The following CDH13 variants were observed in gnomAD, a reference collection of about 807,000 sequenced individuals.
The protein encoded by CDH13 is cadherin-13.
In CDH13, 24 loss-of-function variants were observed where a neutral mutation model predicts 63.8. The observed-to-expected ratio is 0.38, with a 90% CI of 0.27 to 0.53. CDH13 has a LOEUF of 0.53. Ranked by LOEUF, CDH13 falls within the 20% of genes least tolerant of loss-of-function variation. The pLI, the probability that CDH13 is intolerant of heterozygous loss-of-function variation, is 0.85. For missense variants in CDH13, 1,049 were observed against 903.1 expected (o/e 1.16, Z -2.07); for synonymous variants, 503 against 355.3 (o/e 1.42, Z -4.67).
chr16:82,866,234 T>C (rs906835120), intron 2 of CDH13, among the ~76,000 whole-genome samples: 2 of 152,142 alleles, frequency 1.3e-5, no homozygotes, highest in Non-Finnish European at 2.9e-5. Flanking sequence ...CCTGTCTTCC[T>C]CTGAGCCCTC....
intron 1 of CDH13, among the ~76,000 whole-genome samples, chr16:82,813,815 A>G (rs2037567688): frequency 6.6e-6 from 1 of 152,200 alleles, no homozygotes; most frequent in South Asian, 2.1e-4. Flanking sequence ...GAAAAGATAG[A>G]TTTTGAAGTT....
intron 11 of CDH13, among the ~76,000 whole-genome samples, chr16:83,777,350 G>C (rs1453864119): frequency 1.3e-5 from 2 of 152,220 alleles, no homozygotes; most frequent in South Asian, 2.1e-4. Flanking sequence ...TGGAGGAGCA[G>C]CTCCACCACG....
chr16:82,680,330 C>T (rs578121059), intron 1 of CDH13, among the ~76,000 whole-genome samples: 1 of 152,206 alleles, frequency 6.6e-6, no homozygotes, highest in Admixed American at 6.5e-5. Flanking sequence ...AGTCGAGGCA[C>T]CCTCATTCAC....
intron 5 of CDH13, among the ~76,000 whole-genome samples, chr16:83,246,869 A>G (rs11865246): frequency 0.093 from 14,080 of 152,134 alleles, 2,128 homozygotes; most frequent in African/African-American, 0.32. Context: ...TCCAGTCCTT[A>G]CAAGTGACAT....
At chr16:83,017,231 T>C (rs2151447595) in intron 2 of CDH13, among the ~76,000 whole-genome samples, 1 of 152,314 alleles carries the variant, frequency 6.6e-6, no homozygotes, top group Non-Finnish European at 1.5e-5. Flanking sequence ...TTCCTAAGCT[T>C]TGACACACAG....
intron 3 of CDH13, among the ~76,000 whole-genome samples, chr16:83,082,065 G>C (rs2033291774): frequency 6.6e-6 from 1 of 152,172 alleles, no homozygotes; most frequent in East Asian, 1.9e-4. Flanking sequence ...CTCCCAAAGT[G>C]CTGGGATTAC....
At chr16:83,655,720 G>A (rs763314597) in intron 8 of CDH13, among the ~76,000 whole-genome samples, 1 of 152,206 alleles carries the variant, frequency 6.6e-6, no homozygotes, top group African/African-American at 2.4e-5. Flanking sequence ...TCTTTGTTCA[G>A]TGAAGACTCC....
At chr16:83,563,669 G>T (rs1378453197) in intron 7 of CDH13, among the ~76,000 whole-genome samples, 1 of 152,154 alleles carries the variant, frequency 6.6e-6, no homozygotes, top group Non-Finnish European at 1.5e-5. Flanking sequence ...GAGGGCGTGT[G>T]TGTATGTGTG....
intron 2 of CDH13, among the ~76,000 whole-genome samples, chr16:82,916,752 T>C (rs1486593974): frequency 6.6e-6 from 1 of 151,674 alleles, no homozygotes; most frequent in Non-Finnish European, 1.5e-5. Context: ...AATATTTAGT[T>C]GTAGTTTATC....
intron 3 of CDH13, among the ~76,000 whole-genome samples, chr16:83,095,763 T>C (rs2151591490): frequency 6.6e-6 from 1 of 152,264 alleles, no homozygotes; most frequent in African/African-American, 2.4e-5. Flanking sequence ...TAATGAGCAG[T>C]ATGTTTTGCC....
intron 9 of CDH13, among the ~76,000 whole-genome samples, chr16:83,674,604 A>G (rs931955743): frequency 6.6e-6 from 1 of 152,258 alleles, no homozygotes; most frequent in Non-Finnish European, 1.5e-5. Flanking sequence ...GCTGTTGGGC[A>G]GTCAAGCACA....
chr16:83,555,921 G>A (rs1268214281), intron 7 of CDH13, among the ~76,000 whole-genome samples: 1 of 152,154 alleles, frequency 6.6e-6, no homozygotes, highest in African/African-American at 2.4e-5. Flanking sequence ...TTTTTCAATG[G>A]GAAATAGTTT....
chr16:83,217,601 G>C, intron 5 of CDH13, 104 bp downstream of exon 5: 1 of 1,238,892 alleles, frequency 8.1e-7, no homozygotes, highest in African/African-American at 1.5e-5. Context: ...TCAAACCCGG[G>C]ACTGCATGGC....
At chr16:83,494,072 CTT>C (rs373498103) in intron 7 of CDH13, among the ~76,000 whole-genome samples, 86 of 152,328 alleles carry the variant, frequency 5.6e-4, no homozygotes, top group African/African-American at 1.9e-3. Context: ...TCAAGAGACA[CTT>C]AACTTTATCA....
At chr16:83,592,404 A>C (rs932459314) in intron 7 of CDH13, among the ~76,000 whole-genome samples, 2 of 152,156 alleles carry the variant, frequency 1.3e-5, no homozygotes, top group Non-Finnish European at 2.9e-5. Context: ...ATCACATCCT[A>C]GCAGTTATTT....
Position 83,543,721 on chromosome 16 carries a change from C to A in CDH13, c.960+57066C>A, listed in dbSNP as rs1051040077. On this transcript the variant is annotated intron_variant, in intron 7 of 13. Transcript: ENST00000567109. ...GTGTATTCCCATTCCCCAGCTGGGA[C>A]CAGCGGGTATGCTGCTCTCATCTAA... Among the ~76,000 whole-genome samples, 3 of 152,254 alleles carry A rather than the reference C, an allele frequency of 2.0e-5. No individual in the cohort carries two copies. In the South Asian group the frequency reaches 6.2e-4, roughly 32 times the overall value.
In CDH13 at chr16:82,690,559, G is replaced by T. The variant is rs116644149; in HGVS notation, c.45+63422G>T. On this transcript the variant is annotated intron_variant, in intron 1 of 13. Transcript: ENST00000567109. ...ATACACAGGGCCCTAGCACAGCCTCGTGGGCAGAAGAGTTCATCTCGTGAG... is the reference window on the plus strand; with the variant it reads ...ATACACAGGGCCCTAGCACAGCCTCTTGGGCAGAAGAGTTCATCTCGTGAG... Among the ~76,000 whole-genome samples, 1,322 of 152,162 alleles carry T rather than the reference G, an allele frequency of 8.7e-3. 17 individuals carry two copies. Among genetic ancestry groups the T allele is most frequent in the African/African-American group, 0.03 (1,246 of 41,482 alleles).
chr16:83,478,779 C>G (rs1281275469), intron 6 of CDH13, among the ~76,000 whole-genome samples: 1 of 151,370 alleles, frequency 6.6e-6, no homozygotes, highest in Non-Finnish European at 1.5e-5. Context: ...AGTCTTCACA[C>G]CCAGAACTGA....
intron 13 of CDH13, among the ~76,000 whole-genome samples, chr16:83,792,762 A>G (rs928756447): frequency 2.6e-5 from 4 of 152,378 alleles, no homozygotes; most frequent in East Asian, 3.9e-4. Flanking sequence ...GCTTTTGCCC[A>G]TTTAAAACAA....
Sources: allele counts gnomAD v4.1 joint callset (sites outside exome capture counted in the v4.1 genomes callset), GRCh38; gene constraint gnomAD v4.1.1; transcripts MANE v1.5; gene names NCBI Gene and HGNC (gene_info 2026-07-23, HGNC 2026-07-21).